COL4A2: variants seen among roughly 807,000 people sequenced by gnomAD.
COL4A2 encodes collagen type IV alpha 2 chain.
In COL4A2, 99 loss-of-function variants were observed where a neutral mutation model predicts 200.2. That is an observed-to-expected ratio of 0.49 (90% CI 0.42 to 0.58). The LOEUF (loss-of-function observed/expected upper bound fraction) is 0.58, where lower values mean the gene tolerates loss of function less well. Among genes scored for constraint, COL4A2 ranks in the 20% least tolerant of loss-of-function variants. The pLI, the probability that COL4A2 is intolerant of heterozygous loss-of-function variation, is 0.00. For synonymous variants in COL4A2, 897 were observed against 900.6 expected (o/e 1.00, Z 0.07); for missense variants, 1,950 against 2,314.1 (o/e 0.84, Z 3.23).
intron 4 of COL4A2, among the ~76,000 whole-genome samples, chr13:110,405,862 A>G (rs560646355): frequency 6.6e-6 from 1 of 152,206 alleles, no homozygotes; most frequent in Non-Finnish European, 1.5e-5. Flanking sequence ...ACCTGCTGGT[A>G]TCAGCCCAGC....
At chr13:110,502,705 G>C (rs1213592419) in intron 41 of COL4A2, 1 of 162,604 alleles carries the variant, frequency 6.1e-6, no homozygotes, top group African/African-American at 2.4e-5. Context: ...CTGAGTGAAA[G>C]AAGCCAGTCA....
intron 41 of COL4A2, chr13:110,502,811 G>T (rs1047434379): frequency 3.4e-6 from 1 of 295,186 alleles, no homozygotes; most frequent in African/African-American, 2.3e-5. Flanking sequence ...TGAGGGTTGG[G>T]GGGAGAGGGA....
intron 3 of COL4A2, among the ~76,000 whole-genome samples, chr13:110,336,235 A>G (rs768153803): frequency 6.6e-6 from 1 of 152,144 alleles, no homozygotes; most frequent in Non-Finnish European, 1.5e-5. Flanking sequence ...TCTCTTTGAT[A>G]ATTTGTCTGA....
chr13:110,454,849 C>G (rs982155323), intron 20 of COL4A2, among the ~76,000 whole-genome samples: 2 of 152,160 alleles, frequency 1.3e-5, no homozygotes, highest in African/African-American at 4.8e-5. Flanking sequence ...CAACCCTATG[C>G]ACGTGTCTCA....
intron 30 of COL4A2, among the ~76,000 whole-genome samples, chr13:110,478,516 C>T (rs11619356): frequency 0.064 from 9,786 of 152,220 alleles, 430 homozygotes; most frequent in Non-Finnish European, 0.1. Flanking sequence ...CAGGTGGCTC[C>T]GTCAGGGAAA....
At chr13:110,385,633 A>G (rs74183695) in intron 4 of COL4A2, among the ~76,000 whole-genome samples, 3 of 49,900 alleles carry the variant, frequency 6.0e-5, no homozygotes, top group Non-Finnish European at 1.6e-4. Flanking sequence ...GTGTGTGGAT[A>G]GGCCGTGGCT....
At chr13:110,389,625 C>T (rs1032584771) in intron 4 of COL4A2, among the ~76,000 whole-genome samples, 1 of 152,170 alleles carries the variant, frequency 6.6e-6, no homozygotes, top group Non-Finnish European at 1.5e-5. Flanking sequence ...GACATCAAAT[C>T]GACTGTAGGC....
intron 4 of COL4A2, among the ~76,000 whole-genome samples, chr13:110,411,036 C>T (rs963421641): frequency 4.6e-5 from 7 of 152,228 alleles, no homozygotes; most frequent in African/African-American, 1.7e-4. Context: ...AGCCCTCACT[C>T]ACGGCCTGTG....
At chr13:110,405,384 T>G (rs985547973) in intron 4 of COL4A2, among the ~76,000 whole-genome samples, 1 of 152,102 alleles carries the variant, frequency 6.6e-6, no homozygotes, top group Non-Finnish European at 1.5e-5. Context: ...CTGGGTTGAG[T>G]CTGTGTCCCA....
At chr13:110,453,612 TCTTG>T (rs1221347667) in intron 20 of COL4A2, among the ~76,000 whole-genome samples, 3 of 152,234 alleles carry the variant, frequency 2.0e-5, no homozygotes, top group Non-Finnish European at 2.9e-5. Flanking sequence ...GCATATGCCA[TCTTG>T]CTTTTCAAGT....
At chr13:110,371,884 AT>A (rs1878026718) in intron 4 of COL4A2, among the ~76,000 whole-genome samples, 1 of 152,070 alleles carries the variant, frequency 6.6e-6, no homozygotes, top group South Asian at 2.1e-4. Context: ...TGATCTCTAT[AT>A]GCTGTTGGCT....
chr13:110,330,312 G>A, intron 3 of COL4A2, among the ~76,000 whole-genome samples: 1 of 152,188 alleles, frequency 6.6e-6, no homozygotes, highest in Middle Eastern at 3.2e-3. Flanking sequence ...GGGCGAGTGT[G>A]GAAAGATACT....
At chr13:110,385,232 AG>A (rs894296462) in intron 4 of COL4A2, among the ~76,000 whole-genome samples, 1 of 152,106 alleles carries the variant, frequency 6.6e-6, no homozygotes, top group Admixed American at 6.5e-5. Flanking sequence ...ACTGCACTCC[AG>A]CCTGGGCAAC....
intron 9 of COL4A2, 33 bp downstream of exon 9, chr13:110,430,469 C>A (rs766933562): frequency 1.1e-5 from 17 of 1,614,086 alleles, no homozygotes; most frequent in Non-Finnish European, 1.4e-5. Context: ...ATATTCCAAA[C>A]AAAAGTTTAA....
At chr13:110,436,248 C>G (rs1566531600) in intron 12 of COL4A2, 21 bp from the exon 13 acceptor site, 1 of 1,613,446 alleles carries the variant, frequency 6.2e-7, no homozygotes, top group Non-Finnish European at 8.5e-7. Context: ...AAGACAACTG[C>G]TTTTGCTTAA....
chr13:110,347,805 G>GA (rs1876776157), intron 3 of COL4A2, among the ~76,000 whole-genome samples: 1 of 152,280 alleles, frequency 6.6e-6, no homozygotes, highest in Admixed American at 6.5e-5. Flanking sequence ...TGCCTGAGGA[G>GA]AAATGGAAGG....
rs912646163 is a variant in COL4A2 at position 110,307,634 on chromosome 13, G to C, written c.-45+106G>C. The C allele has an allele frequency of 5.4e-6, 3 of 554,598 alleles. No homozygotes were observed. The highest frequency in any genetic ancestry group is 1.9e-5 in the African/African-American group (1 of 52,662). 34.4% of individuals were successfully genotyped at this position (554,598 alleles called of 1,614,324 possible). ...CGCTCTCCTGCTTGGGAGTAGAAAG[G>C]GGGAGGGTGGGAGAGCGAAGACCGA... On this transcript the variant is annotated intron_variant, in intron 1 of 47. Transcript: ENST00000360467. The surrounding 1 kb of genome is among the most constrained non-coding windows in gnomAD (Gnocchi z 5.0).
chr13:110,405,851 A>C (rs1163500521), intron 4 of COL4A2, among the ~76,000 whole-genome samples: 1 of 152,180 alleles, frequency 6.6e-6, no homozygotes, highest in Non-Finnish European at 1.5e-5. Context: ...GCATCCCAGG[A>C]ACCTGCTGGT....
chr13:110,436,292 C>A lies in COL4A2; in HGVS notation c.750C>A (p.Pro250=), dbSNP rs375562761. 2 of 1,613,840 alleles carry A rather than the reference C, an allele frequency of 1.2e-6. No homozygotes were observed. Among genetic ancestry groups the A allele is most frequent in the African/African-American group, 2.7e-5 (2 of 74,832 alleles). ...AGGGTGACGTAGGGCAGCCGGGACCCAACGGGATTCCATCAGACACCCTCC... is the reference window on the plus strand; with the variant it reads ...AGGGTGACGTAGGGCAGCCGGGACCAAACGGGATTCCATCAGACACCCTCC... ...GEKGDVGQPG[P]NGIPSDTLHP... Residue 250 remains proline (P), a synonymous_variant, in exon 13 of 48, where the codon CCC becomes CCA. Coordinates refer to ENST00000360467, the MANE Select transcript of COL4A2 (RefSeq NM_001846.4).
Sources: allele counts gnomAD v4.1 joint callset (sites outside exome capture counted in the v4.1 genomes callset), GRCh38; gene constraint gnomAD v4.1.1; non-coding constraint Gnocchi (gnomAD v3.1); transcripts MANE v1.5; gene names NCBI Gene and HGNC (gene_info 2026-07-23, HGNC 2026-07-21).